Variants in GRM7 observed in about 807,000 individuals in gnomAD.
The protein encoded by GRM7 is glutamate metabotropic receptor 7.
GRM7 carries 35 observed loss-of-function variants against 84.5 expected under a neutral mutation model. The ratio of observed to expected loss-of-function variants is 0.41; its 90% confidence interval spans 0.32 to 0.55. GRM7 has a LOEUF of 0.55. GRM7 is among the 20% of genes least tolerant of loss of function. The pLI is 0.19. For missense variants in GRM7, 1,003 were observed against 1,194.6 expected, an observed-to-expected ratio of 0.84 and a Z score of 2.36; for synonymous variants, 487 against 455.1, an observed-to-expected ratio of 1.07 and a Z score of -0.89.
chr3:7,132,781 G>T (rs1403751372), intron 1 of GRM7, among the ~76,000 whole-genome samples: 1 of 152,168 alleles, frequency 6.6e-6, no homozygotes, highest in Admixed American at 6.5e-5. Context: ...GCTGAAAGTG[G>T]CTTCGGAATC....
chr3:7,474,932 T>C (rs1048788290), intron 7 of GRM7, among the ~76,000 whole-genome samples: 2 of 152,204 alleles, frequency 1.3e-5, no homozygotes, highest in Non-Finnish European at 2.9e-5. Context: ...TTGTAAATTG[T>C]TAAATACAAA....
chr3:7,539,819 T>A (rs947113885), intron 7 of GRM7, among the ~76,000 whole-genome samples: 4 of 152,144 alleles, frequency 2.6e-5, no homozygotes, highest in African/African-American at 9.7e-5. Flanking sequence ...GTAAATGATA[T>A]TGGCACTGAA....
chr3:7,104,598 A>G (rs1040952455), intron 1 of GRM7, among the ~76,000 whole-genome samples: 4 of 151,774 alleles, frequency 2.6e-5, no homozygotes, highest in Admixed American at 2.0e-4. Flanking sequence ...AGTAATTGCC[A>G]GTTTTTTTTG....
chr3:7,348,509 A>G (rs1692990905), intron 4 of GRM7, among the ~76,000 whole-genome samples: 2 of 152,118 alleles, frequency 1.3e-5, no homozygotes, highest in Admixed American at 6.6e-5. Flanking sequence ...ATTTGGGATA[A>G]TGATAGCTGC....
chr3:6,878,001 T>G (rs1310494585), intron 1 of GRM7, among the ~76,000 whole-genome samples: 3 of 152,060 alleles, frequency 2.0e-5, no homozygotes, highest in African/African-American at 4.8e-5. Flanking sequence ...CAGATATATT[T>G]GCTGAAGAAA....
rs540257166 is a variant in GRM7, at chr3:7,586,117, C to G, written c.2451+6760C>G. ...ACCATGGGTCTAATTATTCCTACCT[C>G]TAGGTTTAAGAGAAAATATTTAAAT... On this transcript the variant is annotated intron_variant, in intron 8 of 9. Coordinates refer to ENST00000357716, the MANE Select transcript of GRM7 (RefSeq NM_000844.4). Among the ~76,000 whole-genome samples, 15 of 152,284 alleles carry G rather than the reference C, an allele frequency of 9.9e-5. No homozygotes were observed. The South Asian group carries it at 1.9e-3, about 19-fold the overall frequency.
intron 2 of GRM7, among the ~76,000 whole-genome samples, chr3:7,189,292 G>A (rs972714157): frequency 9.9e-5 from 15 of 152,028 alleles, no homozygotes; most frequent in African/African-American, 3.4e-4. Flanking sequence ...AATAAATCAA[G>A]AGAATTAGTG....
At chr3:6,866,563 C>A (rs1282945700) in intron 1 of GRM7, among the ~76,000 whole-genome samples, 1 of 152,134 alleles carries the variant, frequency 6.6e-6, no homozygotes, top group African/African-American at 2.4e-5. Context: ...TTACAATTTA[C>A]TTCTCAATCA....
At chr3:6,888,793 A>T in intron 1 of GRM7, among the ~76,000 whole-genome samples, 1 of 152,094 alleles carries the variant, frequency 6.6e-6, no homozygotes, top group Middle Eastern at 3.2e-3. Context: ...CTTGATGGGG[A>T]TGGCATTGAA....
chr3:7,263,673 CAG>C (rs370793511), intron 2 of GRM7, among the ~76,000 whole-genome samples: 2 of 152,158 alleles, frequency 1.3e-5, no homozygotes, highest in African/African-American at 4.8e-5. Flanking sequence ...AGTGGCTACT[CAG>C]AGCAGAGTTG....
At chr3:6,941,669 T>A (rs977379908) in intron 1 of GRM7, among the ~76,000 whole-genome samples, 1 of 152,234 alleles carries the variant, frequency 6.6e-6, no homozygotes, top group Non-Finnish European at 1.5e-5. Context: ...TTTCGAGTGG[T>A]CTTGATGTAG....
At chr3:7,055,433 AAAATCAAGAATTT>A (rs1214961806) in intron 1 of GRM7, among the ~76,000 whole-genome samples, 2 of 151,612 alleles carry the variant, frequency 1.3e-5, no homozygotes, top group Non-Finnish European at 2.9e-5. Context: ...CTCTCTTATG[AAAATCAAGAATTT>A]AAACATTTTA....
intron 4 of GRM7, among the ~76,000 whole-genome samples, chr3:7,371,883 G>C (rs1027334899): frequency 6.6e-6 from 1 of 152,134 alleles, no homozygotes; most frequent in Admixed American, 6.5e-5. Flanking sequence ...TCAGTGAGTG[G>C]GTGGGCGTGG....
intron 2 of GRM7, among the ~76,000 whole-genome samples, chr3:7,233,983 A>G (rs186073826): frequency 6.6e-5 from 10 of 152,286 alleles, no homozygotes; most frequent in African/African-American, 1.9e-4. Flanking sequence ...AGTTTGGAAC[A>G]TTAAAAACTT....
intron 7 of GRM7, among the ~76,000 whole-genome samples, chr3:7,536,858 C>G (rs1225447440): frequency 6.6e-6 from 1 of 152,120 alleles, no homozygotes; most frequent in East Asian, 1.9e-4. Context: ...TATGTTTCTC[C>G]CAGATTTCTC....
At chr3:7,450,885 T>G (rs920686756) in intron 5 of GRM7, among the ~76,000 whole-genome samples, 1 of 152,130 alleles carries the variant, frequency 6.6e-6, no homozygotes, top group African/African-American at 2.4e-5. Flanking sequence ...CAAGTAAATT[T>G]GGGAAATTCT....
intron 1 of GRM7, among the ~76,000 whole-genome samples, chr3:6,898,095 G>T (rs1474215112): frequency 6.6e-6 from 1 of 152,168 alleles, no homozygotes; most frequent in Non-Finnish European, 1.5e-5. Context: ...CATCCATCAA[G>T]TTAGGCCATG....
In GRM7 at chr3:7,556,194, T is replaced by C. The variant is rs114207867; in HGVS notation, c.1516-22228T>C. On this transcript the variant is annotated intron_variant, in intron 7 of 9. Transcript: ENST00000357716. ...TGGTAGAAAGGACAAGGCACCTCTCTTGGGCCTTTTGTAATAAGGGCAGTA... is the reference window on the plus strand; with the variant it reads ...TGGTAGAAAGGACAAGGCACCTCTCCTGGGCCTTTTGTAATAAGGGCAGTA... Among the ~76,000 whole-genome samples the C allele has an allele frequency of 4.6e-3, 697 of 152,264 alleles. 5 individuals are homozygous for C. Among genetic ancestry groups the C allele is most frequent in the African/African-American group, 0.012 (497 of 41,562 alleles).
At chr3:7,107,181 G>A (rs573317775) in intron 1 of GRM7, among the ~76,000 whole-genome samples, 5 of 152,010 alleles carry the variant, frequency 3.3e-5, no homozygotes, top group South Asian at 2.1e-4. Context: ...AGAGATACTC[G>A]GCCAAGCCTT....
Sources: allele counts gnomAD v4.1 joint callset (sites outside exome capture counted in the v4.1 genomes callset), GRCh38; gene constraint gnomAD v4.1.1; transcripts MANE v1.5; gene names NCBI Gene and HGNC (gene_info 2026-07-23, HGNC 2026-07-21).